The following MED12L variants were observed in gnomAD, a reference collection of about 807,000 sequenced individuals.
MED12L encodes mediator complex subunit 12L, also known as mediator of RNA polymerase II transcription subunit 12-like protein.
In MED12L, 60 loss-of-function variants were observed where a neutral mutation model predicts 281.3. The ratio of observed to expected loss-of-function variants is 0.21; its 90% CI spans 0.17 to 0.26. The LOEUF is 0.26. MED12L is among the 10% of genes least tolerant of loss of function. The probability of loss-of-function intolerance (pLI) is 1.00; values close to 1 mark genes in which losing one functional copy is unlikely to be tolerated. For missense variants in MED12L, 2,146 were observed against 2,680.9 expected, an observed-to-expected ratio of 0.80 and a Z score of 4.41; for synonymous variants, 974 against 987.2, an observed-to-expected ratio of 0.99 and a Z score of 0.25.
At chr3:151,322,857 T>G (rs1749148831) in intron 16 of MED12L, among the ~76,000 whole-genome samples, 1 of 152,124 alleles carries the variant, frequency 6.6e-6, no homozygotes, top group South Asian at 2.1e-4. Context: ...ATCTCATTCC[T>G]TTTTCTCTCC....
intron 16 of MED12L, among the ~76,000 whole-genome samples, chr3:151,244,617 A>G (rs1006237953): frequency 3.3e-5 from 5 of 151,272 alleles, no homozygotes; most frequent in African/African-American, 1.2e-4. Context: ...CATTCAAAGC[A>G]GTGTGTAGAG....
intron 16 of MED12L, among the ~76,000 whole-genome samples, chr3:151,201,408 T>C (rs940812880): frequency 2.6e-5 from 4 of 152,224 alleles, no homozygotes; most frequent in African/African-American, 9.6e-5. Context: ...AGTTCCTTCC[T>C]GCCTTTATAC....
intron 16 of MED12L, among the ~76,000 whole-genome samples, chr3:151,286,205 G>T (rs73157954): frequency 0.11 from 16,847 of 152,112 alleles, 1,237 homozygotes; most frequent in Middle Eastern, 0.17. Context: ...TTTAGTTGTG[G>T]CCTGCAGGGA....
intron 16 of MED12L, among the ~76,000 whole-genome samples, chr3:151,271,310 A>G (rs1740896729): frequency 6.6e-6 from 1 of 152,242 alleles, no homozygotes. Flanking sequence ...TTAAAATAAT[A>G]AGGTAGTACT....
chr3:151,234,354 A>G (rs1278561899), intron 16 of MED12L, among the ~76,000 whole-genome samples: 1 of 152,248 alleles, frequency 6.6e-6, no homozygotes, highest in Non-Finnish European at 1.5e-5. Flanking sequence ...GAGAGCTTGA[A>G]TAAATTGTCT....
intron 43 of MED12L, among the ~76,000 whole-genome samples, chr3:151,429,848 C>G (rs975833677): frequency 6.6e-6 from 1 of 152,172 alleles, no homozygotes; most frequent in African/African-American, 2.4e-5. Flanking sequence ...GAGCCCTAGT[C>G]CTAGGGCACC....
chr3:151,382,492 A>T (rs762322423), intron 32 of MED12L, among the ~76,000 whole-genome samples, 164 bp from the exon 33 acceptor site: 5 of 152,150 alleles, frequency 3.3e-5, no homozygotes, highest in Non-Finnish European at 5.9e-5. Context: ...AAATAGCCAG[A>T]TTTCTTTCTG....
intron 16 of MED12L, among the ~76,000 whole-genome samples, chr3:151,258,413 A>G (rs1559949192): frequency 2.0e-5 from 3 of 152,188 alleles, no homozygotes; most frequent in African/African-American, 7.2e-5. Context: ...ATTTTCTTGA[A>G]GAATAAAATA....
chr3:151,189,468 A>C lies in MED12L; in HGVS notation c.1753+988A>C, dbSNP rs180754100. Among the ~76,000 whole-genome samples the C allele has an allele frequency of 1.9e-3, 291 of 152,298 alleles. 3 individuals are homozygous for C. The highest frequency in any genetic ancestry group is 0.01 in the South Asian group (49 of 4,820). On this transcript the variant is annotated intron_variant, in intron 13 of 44. Coordinates refer to ENST00000687756, the MANE Select transcript of MED12L (RefSeq NM_001393769.1). ...AGTTAGCAGTTGTAACTTACCTTGT[A>C]CCCTGGGGGAGACAGACATTTGCCC...
intron 2 of MED12L, among the ~76,000 whole-genome samples, chr3:151,093,629 G>C (rs1576709747): frequency 6.6e-6 from 1 of 152,196 alleles, no homozygotes; most frequent in Non-Finnish European, 1.5e-5. Flanking sequence ...AATAACAATG[G>C]TTCCCAGCAT....
intron 16 of MED12L, among the ~76,000 whole-genome samples, chr3:151,279,772 C>T (rs922524626): frequency 6.6e-6 from 1 of 152,220 alleles, no homozygotes. Context: ...CAGATGTAAA[C>T]ATTTTGCTGA....
At chr3:151,273,805 T>C (rs1486128954) in intron 16 of MED12L, among the ~76,000 whole-genome samples, 1 of 152,208 alleles carries the variant, frequency 6.6e-6, no homozygotes, top group African/African-American at 2.4e-5. Context: ...CATTTCTTAA[T>C]TGGGGTAGGA....
intron 6 of MED12L, among the ~76,000 whole-genome samples, chr3:151,157,813 C>A (rs960040925): frequency 2.0e-5 from 3 of 152,132 alleles, no homozygotes; most frequent in Admixed American, 6.5e-5. Context: ...TTGCTAGGAA[C>A]AAAGTAAGAT....
chr3:151,239,834 A>G (rs1197625381), intron 16 of MED12L, among the ~76,000 whole-genome samples: 1 of 152,172 alleles, frequency 6.6e-6, no homozygotes, highest in Non-Finnish European at 1.5e-5. Context: ...ATTATACTGG[A>G]CTGTCTATAA....
intron 5 of MED12L, among the ~76,000 whole-genome samples, chr3:151,140,746 C>CT (rs747128291): frequency 2.0e-4 from 31 of 152,314 alleles, no homozygotes; most frequent in Non-Finnish European, 3.2e-4. Flanking sequence ...ATGGCCTGGT[C>CT]TTGGCTCATT....
At chr3:151,104,762 C>G (rs1409537698) in intron 2 of MED12L, among the ~76,000 whole-genome samples, 3 of 152,192 alleles carry the variant, frequency 2.0e-5, no homozygotes, top group Non-Finnish European at 4.4e-5. Flanking sequence ...CAGGGCCATC[C>G]TCCCTCTGAA....
intron 16 of MED12L, among the ~76,000 whole-genome samples, chr3:151,293,393 G>A (rs1744524838): frequency 6.6e-6 from 1 of 152,166 alleles, no homozygotes; most frequent in Non-Finnish European, 1.5e-5. Context: ...CATTTACGAT[G>A]CTGGAGGGCA....
chr3:151,184,899 A>G (rs1226940190), intron 11 of MED12L, among the ~76,000 whole-genome samples: 1 of 152,116 alleles, frequency 6.6e-6, no homozygotes, highest in Non-Finnish European at 1.5e-5. Flanking sequence ...GCTTGTCAGA[A>G]TTATTTATTG....
At chr3:151,221,269 G>T (rs1729291159) in intron 16 of MED12L, among the ~76,000 whole-genome samples, 1 of 152,194 alleles carries the variant, frequency 6.6e-6, no homozygotes, top group African/African-American at 2.4e-5. Flanking sequence ...GAGCTTAAAA[G>T]TTCAGAAAAT....
Sources: gnomAD v4.1 joint callset for allele counts (sites outside exome capture counted in the v4.1 genomes callset) on GRCh38, gnomAD v4.1.1 for gene constraint, MANE v1.5 for transcripts, NCBI Gene and HGNC (gene_info 2026-07-23, HGNC 2026-07-21) for gene names.